The following POLE variants were observed in gnomAD, a reference collection of about 807,000 sequenced individuals.
POLE encodes the protein DNA polymerase epsilon catalytic subunit A.
Under a neutral mutation model 279.2 loss-of-function variants are expected in POLE, and 188 were observed. That is an observed-to-expected ratio of 0.67 (90% CI 0.60 to 0.76). The LOEUF is 0.76. Ranked by LOEUF, POLE falls within the 30% of genes least tolerant of loss-of-function variation. The pLI, the probability that POLE is intolerant of heterozygous loss-of-function variation, is 0.00. For synonymous variants in POLE, 1,214 were observed against 1,172.5 expected (o/e 1.04, Z -0.72); for missense variants, 2,703 against 3,016.7 (o/e 0.90, Z 2.44).
chr12:132,656,988 A>T, intron 29 of POLE, 148 bp downstream of exon 29: 1 of 780,888 alleles, frequency 1.3e-6, no homozygotes, highest in Non-Finnish European at 2.0e-6. Flanking sequence ...GTTAGAGAGT[A>T]AAGTGCCAAT....
chr12:132,635,740 A>G (rs539717491), intron 42 of POLE, 152 bp downstream of exon 42: 2 of 733,240 alleles, frequency 2.7e-6, no homozygotes, highest in East Asian at 2.7e-5. Flanking sequence ...TTGTCTGCGC[A>G]TGGTCCCTCC....
chr12:132,631,193 T>C (rs1391487203), intron 45 of POLE, among the ~76,000 whole-genome samples: 1 of 151,902 alleles, frequency 6.6e-6, no homozygotes, highest in East Asian at 1.9e-4. Context: ...AGAAGCCACA[T>C]CCAAAAGGCT....
At chr12:132,625,137 T>C (rs1341505429) in intron 47 of POLE, 143 bp from the exon 48 acceptor site, 1 of 695,026 alleles carries the variant, frequency 1.4e-6, no homozygotes, top group East Asian at 2.7e-5. Flanking sequence ...CCCTCGGTTA[T>C]GAGTAAAATG....
intron 45 of POLE, among the ~76,000 whole-genome samples, chr12:132,628,413 C>T (rs1395363272): frequency 2.0e-5 from 3 of 151,856 alleles, no homozygotes; most frequent in Non-Finnish European, 2.9e-5. Context: ...GAGGCCAAGG[C>T]GGGTGGATCA....
chr12:132,642,072 G>C (rs142898183), intron 38 of POLE, 105 bp downstream of exon 38: 3 of 1,110,728 alleles, frequency 2.7e-6, no homozygotes, highest in Non-Finnish European at 3.9e-6. Context: ...TGACCTGCGC[G>C]GTCGAACTCT....
chr12:132,627,838 C>T (rs2041865806), intron 45 of POLE, among the ~76,000 whole-genome samples: 1 of 152,148 alleles, frequency 6.6e-6, no homozygotes, highest in Non-Finnish European at 1.5e-5. Flanking sequence ...TTTCTTAAAA[C>T]AAGACAACAA....
Position 132,661,601 on chromosome 12 carries a change from A to G in POLE, c.2790T>C (p.Phe930=). The part of the protein sequence containing the change: ...TYVTRSENSI[F]FEVDGPYLAM... ...CAAGGTAGGGCCCATCAACCTCAAA[A>G]AAGATGCTGTTCTCTGAGCGGGTGA... is the stretch of plus-strand genomic sequence containing the variant. The change falls in exon 24 of 49, where the codon TTT becomes TTC. Residue 930 remains phenylalanine, a synonymous_variant. Transcript: ENST00000320574. This position sits in a 1 kb window ranked among gnomAD's most constrained non-coding sequence, Gnocchi z 4.1. 1 of 1,614,156 alleles carries G rather than the reference A, an allele frequency of 6.2e-7. No homozygotes were observed. The highest frequency in any genetic ancestry group is 1.3e-5 in the African/African-American group (1 of 75,034).
In POLE at chr12:132,663,993, C is replaced by T; in HGVS notation, c.2706+11G>A. 1 of 1,613,646 alleles carries T rather than the reference C, an allele frequency of 6.2e-7. No individual in the cohort carries two copies. The highest frequency in any genetic ancestry group is 8.5e-7 in the Non-Finnish European group (1 of 1,180,000). On this transcript the variant is annotated intron_variant, in intron 23 of 48. Transcript: ENST00000320574. The stretch of plus-strand genomic sequence containing the variant: ...CAGCCAGAGCTTCAGGACCAGAGGC[C>T]CCAGACTCACCTTGACCATGATGTT...
Position 132,639,357 on chromosome 12 carries a change from G to A in POLE, c.5379-59C>T, listed in dbSNP as rs1274823349. On this transcript the variant is annotated intron_variant, in intron 39 of 48. Coordinates refer to ENST00000320574, the MANE Select transcript of POLE (RefSeq NM_006231.4). This position sits in a 1 kb window ranked among gnomAD's most constrained non-coding sequence, Gnocchi z 4.7. Reference sequence around the variant, plus strand: ...TCAGCCTCCCACGCTGCTGCCACGCGGGACGCTCCAACTGAAATGGGCACA... The same window carrying A: ...TCAGCCTCCCACGCTGCTGCCACGCAGGACGCTCCAACTGAAATGGGCACA... The A allele has an allele frequency of 5.2e-6, 8 of 1,534,982 alleles. No homozygotes were observed. The highest frequency in any genetic ancestry group is 1.8e-4 in the Middle Eastern group (1 of 5,422).
rs1420956318 is a variant in POLE, at chr12:132,664,201, G to C, written c.2562-53C>G. On this transcript the variant is annotated intron_variant, in intron 22 of 48. Coordinates refer to ENST00000320574, the MANE Select transcript of POLE (RefSeq NM_006231.4). This position sits in a 1 kb window ranked among gnomAD's most constrained non-coding sequence, Gnocchi z 5.3. Reference sequence around the variant, plus strand: ...TGAGTTCCCCTTTCCTTTTCACCCAGTGTGTGGCCTCCAGCCTTCCCTCCT... The same window carrying C: ...TGAGTTCCCCTTTCCTTTTCACCCACTGTGTGGCCTCCAGCCTTCCCTCCT... 1.3e-6 allele frequency: 2 copies of C among 1,587,980 alleles called. No homozygotes were observed. The highest frequency in any genetic ancestry group is 1.3e-5 in the African/African-American group (1 of 74,294).
At chr12:132,636,306 G>A (rs2042031278) in intron 41 of POLE, among the ~76,000 whole-genome samples, 1 of 152,026 alleles carries the variant, frequency 6.6e-6, no homozygotes. Context: ...GCGGCCTTAG[G>A]TGACCTGCAC....
rs747349009 is a variant in POLE at position 132,624,925 on chromosome 12, C to A, written c.6727G>T (p.Ala2243Ser). 3.1e-6 allele frequency: 5 copies of A among 1,613,908 alleles called. No homozygotes were observed. Among genetic ancestry groups the A allele is most frequent in the South Asian group, 1.1e-5 (1 of 91,086 alleles). The stretch of plus-strand genomic sequence containing the variant: ...CCCACCTGGGTGTGGATGGTGAGGG[C>A]GAAGTCTCCCGCGCAGCTGCAGTAC... Reference protein sequence around the residue: ...PVYCSCAGDFALTIHTQVFME... With the variant: ...PVYCSCAGDFSLTIHTQVFME... Residue 2243 changes from alanine (A) to serine (S), a missense_variant, in exon 48 of 49, where the codon GCC becomes TCC. By Grantham distance (99) the Ala-to-Ser change is moderately conservative. Coordinates refer to ENST00000320574, the MANE Select transcript of POLE (RefSeq NM_006231.4).
chr12:132,633,924 G>A, intron 43 of POLE: 1 of 399,206 alleles, frequency 2.5e-6, no homozygotes, highest in South Asian at 6.1e-5. Context: ...CAATGACACG[G>A]CCAGGGGCAG....
At position 132,632,760 on chromosome 12, in the gene POLE, C is replaced by T. The variant is rs767749736; in HGVS notation, c.6040G>A (p.Gly2014Arg). The change falls in exon 44 of 49, where the codon GGG becomes AGG. Residue 2014 changes from glycine to arginine, a missense_variant. By Grantham distance (125) the Gly-to-Arg change is moderately radical (BLOSUM62 -2). This residue lies in a region of POLE where 1,551 missense variants were observed against 1,686.1 expected (regional missense o/e 0.92). Coordinates refer to ENST00000320574, the MANE Select transcript of POLE (RefSeq NM_006231.4). ...IVAVYHCMKD[G>R]LRRSAPGSTP... ...CTCCCTGGAGCACTGCGCCTCAGCC[C>T]GTCCTTCATGCAGTGGTACACGGCC... is the stretch of plus-strand genomic sequence containing the variant. 32 of 1,612,106 alleles carry T rather than the reference C, an allele frequency of 2.0e-5. No homozygotes were observed. Among genetic ancestry groups the T allele is most frequent in the East Asian group, 2.2e-5 (1 of 44,878 alleles).
At position 132,638,119 on chromosome 12, in the gene POLE, C is replaced by T. The variant is rs1445288473; in HGVS notation, c.5573G>A (p.Arg1858His). The part of the protein sequence containing the change: ...LFLQLIAEFK[R>H]LGSSVIYANF... Reference sequence around the variant, plus strand: ...GGCGTAGATGACTGATGACCCCAGGCGCTTGAACTCAGCGATGAGCCTGTG... The same window carrying T: ...GGCGTAGATGACTGATGACCCCAGGTGCTTGAACTCAGCGATGAGCCTGTG... Residue 1858 changes from arginine (R) to histidine (H), a missense_variant, in exon 41 of 49, where the codon CGC becomes CAC. This residue lies in a region of POLE where 1,551 missense variants were observed against 1,686.1 expected (regional missense o/e 0.92). Transcript: ENST00000320574. 7.4e-6 allele frequency: 12 copies of T among 1,613,802 alleles called. No homozygotes were observed. Among genetic ancestry groups the T allele is most frequent in the East Asian group, 2.2e-5 (1 of 44,870 alleles).
In POLE at chr12:132,657,225, C is replaced by A. The variant is rs575738148; in HGVS notation, c.3493G>T (p.Asp1165Tyr). The A allele has an allele frequency of 1.2e-6, 2 of 1,613,864 alleles. No homozygotes were observed. The highest frequency in any genetic ancestry group is 1.7e-6 in the Non-Finnish European group (2 of 1,180,010). Residue 1165 changes from aspartate (D) to tyrosine (Y), a missense_variant, in exon 29 of 49, where the codon GAC becomes TAC. This residue lies in a region of POLE where 1,551 missense variants were observed against 1,686.1 expected (regional missense o/e 0.92). Coordinates refer to ENST00000320574, the MANE Select transcript of POLE (RefSeq NM_006231.4). Reference protein sequence around the residue: ...KNPVPRVKHPDWLHKKLLEKN... With the variant: ...KNPVPRVKHPYWLHKKLLEKN... ...TCCAGCAGTTTTTTGTGCAGCCAGT[C>A]GGGGTGTTTGACACGTGGCACTGGG... is the stretch of plus-strand genomic sequence containing the variant.
chr12:132,656,974 CAGAGTT>C (rs944664640), intron 29 of POLE, among the ~76,000 whole-genome samples, 156 bp downstream of exon 29: 26 of 152,186 alleles, frequency 1.7e-4, no homozygotes, highest in Non-Finnish European at 2.9e-4. Context: ...GAGTGACACT[CAGAGTT>C]AGAGAGTAAA....
At position 132,673,570 on chromosome 12, in the gene POLE, C is replaced by T. The variant is rs761564635; in HGVS notation, c.1359+5G>A. On this transcript the variant is annotated splice_donor_5th_base_variant and intron_variant, in intron 13 of 48. Coordinates refer to ENST00000320574, the MANE Select transcript of POLE (RefSeq NM_006231.4). ...GCAGGGGCAGCCGGGATGTGGCTTA[C>T]GTGCCTGGGGCTGCTCCGTGGCCAT... is the stretch of plus-strand genomic sequence containing the variant. 6.2e-7 allele frequency: 1 copy of T among 1,611,026 alleles called. No individual in the cohort carries two copies. Among genetic ancestry groups the T allele is most frequent in the Non-Finnish European group, 8.5e-7 (1 of 1,179,838 alleles).
intron 45 of POLE, among the ~76,000 whole-genome samples, chr12:132,629,941 T>C (rs2041904734): frequency 6.6e-6 from 1 of 152,194 alleles, no homozygotes; most frequent in Non-Finnish European, 1.5e-5. Flanking sequence ...TAGAGGCCAT[T>C]GCAGGGCTAT....
Sources: allele counts gnomAD v4.1 joint callset (sites outside exome capture counted in the v4.1 genomes callset), GRCh38; gene constraint gnomAD v4.1.1; regional missense constraint gnomAD v4.1.1; non-coding constraint Gnocchi (gnomAD v3.1); transcripts MANE v1.5; gene names NCBI Gene and HGNC (gene_info 2026-07-23, HGNC 2026-07-21).